The following CAPN13 variants were observed in gnomAD, a reference collection of about 807,000 sequenced individuals.
CAPN13 encodes calpain-13.
In CAPN13, 90 loss-of-function variants were observed where a neutral mutation model predicts 98.4. The observed-to-expected ratio is 0.92, with a 90% CI of 0.77 to 1.09. The LOEUF (loss-of-function observed/expected upper bound fraction) is 1.09. Ranked by LOEUF, CAPN13 falls within the 50% of genes least tolerant of loss-of-function variation. The pLI is 0.00. For synonymous variants in CAPN13, 330 were observed against 305.5 expected, an observed-to-expected ratio of 1.08 and a Z score of -0.84; for missense variants, 887 against 841.3, an observed-to-expected ratio of 1.05 and a Z score of -0.67.
At chr2:30,758,167 T>C in intron 7 of CAPN13, 30 bp from the exon 8 acceptor site, 2 of 1,524,012 alleles carry the variant, frequency 1.3e-6, no homozygotes, top group East Asian at 2.4e-5. Flanking sequence ...GGAAACTCAG[T>C]GCTCTACAGC....
chr2:30,731,221 G>A, intron 21 of CAPN13, 123 bp downstream of exon 21: 1 of 782,706 alleles, frequency 1.3e-6, no homozygotes, highest in South Asian at 2.2e-5. Context: ...GAGGTTGGGG[G>A]GACAGCTTGG....
At chr2:30,745,142 C>T (rs958327694) in intron 12 of CAPN13, 5 of 464,966 alleles carry the variant, frequency 1.1e-5, no homozygotes, top group Non-Finnish European at 2.2e-5. Context: ...TCAGCACTCT[C>T]AGCCATGGGC....
chr2:30,776,381 T>TTTTTTA (rs1162279729), intron 3 of CAPN13, among the ~76,000 whole-genome samples: 1 of 152,112 alleles, frequency 6.6e-6, no homozygotes, highest in Admixed American at 6.5e-5. Flanking sequence ...CCGGCTAATT[T>TTTTTTA]TTTTTATTTT....
At position 30,763,065 on chromosome 2, in the gene CAPN13, C is replaced by A. The variant is rs1316699260; in HGVS notation, c.774+17G>T. On this transcript the variant is annotated intron_variant, in intron 7 of 22. Coordinates refer to ENST00000295055, the MANE Select transcript of CAPN13 (RefSeq NM_144575.3). Reference sequence around the variant, plus strand: ...AGAGGCCAGGGGAGAGCTGGACAGGCCAGCAGCCAGCCTTACCTGCTCAGC... The same window carrying A: ...AGAGGCCAGGGGAGAGCTGGACAGGACAGCAGCCAGCCTTACCTGCTCAGC... 1 of 1,598,784 alleles carries A rather than the reference C, an allele frequency of 6.3e-7. No homozygotes were observed. The highest frequency in any genetic ancestry group is 1.7e-5 in the Admixed American group (1 of 58,946).
intron 22 of CAPN13, among the ~76,000 whole-genome samples, chr2:30,725,060 A>G (rs1670810076): frequency 6.6e-6 from 1 of 152,210 alleles, no homozygotes; most frequent in Admixed American, 6.5e-5. Flanking sequence ...AAGGCATTTT[A>G]CTGGCATATT....
chr2:30,741,897 A>C lies in CAPN13; in HGVS notation c.1536+11T>G. 9 of 1,613,900 alleles carry C rather than the reference A, an allele frequency of 5.6e-6. No homozygotes were observed. Among genetic ancestry groups the C allele is most frequent in the Non-Finnish European group, 7.6e-6 (9 of 1,179,846 alleles). ...ATCCCACGTAAGGCCCCTGGGTGCT[A>C]GGTACCATACCTGCTGAGCATATCT... On this transcript the variant is annotated intron_variant, in intron 15 of 22. Transcript: ENST00000295055.
At chr2:30,731,453 G>T in intron 20 of CAPN13, 54 bp from the exon 21 acceptor site, 1 of 1,508,522 alleles carries the variant, frequency 6.6e-7, no homozygotes, top group Non-Finnish European at 9.1e-7. Flanking sequence ...AATCCAGGCA[G>T]TTCAGGGGAG....
rs1466668870 is a variant in CAPN13 at position 30,761,577 on chromosome 2, G to C, written c.774+1505C>G. ...CCCTGTGTTCAGAGGAGAAACAAAG[G>C]CTATCTCAATGTATAAAAAGGATCT... On this transcript the variant is annotated intron_variant, in intron 7 of 22. Transcript: ENST00000295055. Among the ~76,000 whole-genome samples, 6 of 152,110 alleles carry C rather than the reference G, an allele frequency of 3.9e-5. 1 individual carries two copies. The highest frequency in any genetic ancestry group is 1.3e-4 in the Admixed American group (2 of 15,276).
intron 17 of CAPN13, 64 bp downstream of exon 17, chr2:30,738,171 C>A (rs1309637247): frequency 6.3e-7 from 1 of 1,580,128 alleles, no homozygotes; most frequent in South Asian, 1.1e-5. Flanking sequence ...CTAATTAGGT[C>A]TCTGGGGAAG....
intron 11 of CAPN13, among the ~76,000 whole-genome samples, chr2:30,748,018 A>C (rs936428319): frequency 2.6e-5 from 4 of 152,214 alleles, no homozygotes; most frequent in Non-Finnish European, 4.4e-5. Flanking sequence ...CTGAACTGTG[A>C]AGACTTTGGG....
At chr2:30,789,444 AAGT>A (rs1488443032) in intron 1 of CAPN13, among the ~76,000 whole-genome samples, 15 of 152,350 alleles carry the variant, frequency 9.8e-5, no homozygotes, top group African/African-American at 3.1e-4. Context: ...GATTGCCTGT[AAGT>A]AGCCCTTAAT....
chr2:30,741,270 G>A, intron 15 of CAPN13: 1 of 591,484 alleles, frequency 1.7e-6, no homozygotes, highest in Non-Finnish European at 2.1e-6. Flanking sequence ...GAATGCAGAG[G>A]CAGGGCCTGC....
chr2:30,787,062 G>C, intron 2 of CAPN13, 66 bp downstream of exon 2: 1 of 1,307,300 alleles, frequency 7.6e-7, no homozygotes, highest in Non-Finnish European at 1.0e-6. Context: ...CCTTTTGGCT[G>C]GAGGTGCCAT....
At chr2:30,773,889 A>G (rs1673537625) in intron 4 of CAPN13, among the ~76,000 whole-genome samples, 1 of 152,224 alleles carries the variant, frequency 6.6e-6, no homozygotes, top group Admixed American at 6.5e-5. Context: ...ACTGGATAAT[A>G]TAGATTGTTC....
chr2:30,806,799 C>A (rs997748488), intron 1 of CAPN13, among the ~76,000 whole-genome samples: 2 of 152,134 alleles, frequency 1.3e-5, no homozygotes, highest in African/African-American at 4.8e-5. Context: ...TGTGATTAAC[C>A]CAGAGTTGTC....
In CAPN13 at chr2:30,804,669, A is replaced by G. The variant is rs886950705; in HGVS notation, c.-33+2633T>C. On this transcript the variant is annotated intron_variant, in intron 1 of 22. Transcript: ENST00000295055. ...ACACTTGACCAAAAGATAGAGTCCC[A>G]AGGGTGGTAGAAAATCAACACCTCC... Among the ~76,000 whole-genome samples, 6 of 152,176 alleles carry G rather than the reference A, an allele frequency of 3.9e-5. No homozygotes were observed. In the East Asian group the frequency reaches 1.2e-3, roughly 29 times the overall value.
At chr2:30,727,810 A>G (rs769339040) in intron 22 of CAPN13, among the ~76,000 whole-genome samples, 7 of 152,208 alleles carry the variant, frequency 4.6e-5, no homozygotes, top group Middle Eastern at 6.8e-3. Flanking sequence ...ATAACTATAC[A>G]CCCAATTGAA....
intron 4 of CAPN13, among the ~76,000 whole-genome samples, chr2:30,775,425 T>C (rs2148048235): frequency 6.6e-6 from 1 of 152,314 alleles, no homozygotes; most frequent in African/African-American, 2.4e-5. Context: ...TTTTCTAAAT[T>C]AATACATAAA....
At chr2:30,724,915 T>G (rs936034731) in intron 22 of CAPN13, among the ~76,000 whole-genome samples, 2 of 151,362 alleles carry the variant, frequency 1.3e-5, no homozygotes, top group African/African-American at 4.9e-5. Flanking sequence ...AAATGGTTGT[T>G]GGTCTCAGTA....
Sources: gnomAD v4.1 joint callset for allele counts (sites outside exome capture counted in the v4.1 genomes callset) on GRCh38, gnomAD v4.1.1 for gene constraint, MANE v1.5 for transcripts, NCBI Gene and HGNC (gene_info 2026-07-23, HGNC 2026-07-21) for gene names.